Variants in MTUS2 observed in about 807,000 individuals in gnomAD.
MTUS2 encodes the protein microtubule associated scaffold protein 2.
In MTUS2, 40 loss-of-function variants were observed where a neutral mutation model predicts 114.1. The ratio of observed to expected loss-of-function variants is 0.35; its 90% CI spans 0.27 to 0.46. The LOEUF is 0.46. MTUS2 is among the 20% of genes least tolerant of loss of function. The pLI is 1.00. For synonymous variants in MTUS2, 688 were observed against 672.0 expected, an observed-to-expected ratio of 1.02 and a Z score of -0.37; for missense variants, 1,679 against 1,705.4, an observed-to-expected ratio of 0.98 and a Z score of 0.27.
At chr13:29,156,121 C>T (rs569688856) in intron 5 of MTUS2, among the ~76,000 whole-genome samples, 43 of 152,196 alleles carry the variant, frequency 2.8e-4, no homozygotes, top group African/African-American at 1.0e-3. Flanking sequence ...TCTTGCCCTA[C>T]TGTTAATTAT....
In MTUS2 at chr13:29,024,842, T is replaced by C. The variant is rs1360163626; in HGVS notation, c.144T>C (p.His48=). 3.7e-6 allele frequency: 6 copies of C among 1,613,896 alleles called. No homozygotes were observed. The highest frequency in any genetic ancestry group is 3.3e-5 in the Admixed American group (2 of 60,012). ...TCATGTTGGAGGTCAGCTCCTCTCATGACGAGTCCAAGACATGTGACCTGG... is the reference window on the plus strand; with the variant it reads ...TCATGTTGGAGGTCAGCTCCTCTCACGACGAGTCCAAGACATGTGACCTGG... The part of the protein sequence containing the change: ...NQIMLEVSSS[H]DESKTCDLGD... The change falls in exon 3 of 16, where the codon CAT becomes CAC. Residue 48 remains histidine (H), a synonymous_variant. Transcript: ENST00000612955.
chr13:29,206,138 T>C (rs999002302), intron 5 of MTUS2, among the ~76,000 whole-genome samples: 5 of 152,190 alleles, frequency 3.3e-5, no homozygotes, highest in African/African-American at 9.6e-5. Flanking sequence ...TTATGGTTTT[T>C]ATTTGCATCT....
intron 6 of MTUS2, among the ~76,000 whole-genome samples, chr13:29,298,606 G>A (rs1340627396): frequency 6.6e-6 from 1 of 152,144 alleles, no homozygotes; most frequent in Admixed American, 6.5e-5. Context: ...CATCTTTAGT[G>A]AAGAAAATGA....
chr13:28,895,634 T>C (rs998943759), intron 2 of MTUS2, among the ~76,000 whole-genome samples: 1 of 152,182 alleles, frequency 6.6e-6, no homozygotes, highest in African/African-American at 2.4e-5. Context: ...TGTAGGTCCA[T>C]GAAGATGAGT....
intron 1 of MTUS2, among the ~76,000 whole-genome samples, chr13:28,827,315 A>G (rs966151359): frequency 2.0e-5 from 3 of 152,124 alleles, no homozygotes; most frequent in Non-Finnish European, 4.4e-5. Flanking sequence ...TTTTAAATCC[A>G]CATTGTATTA....
In MTUS2 at chr13:28,984,157, T is replaced by C. The variant is rs113469222; in HGVS notation, c.-242-40300T>C. Among the ~76,000 whole-genome samples, 327 of 152,306 alleles carry C rather than the reference T, an allele frequency of 2.1e-3. 2 individuals carry two copies. Among genetic ancestry groups the C allele is most frequent in the African/African-American group, 7.4e-3 (309 of 41,558 alleles). On this transcript the variant is annotated intron_variant, in intron 2 of 15. Transcript: ENST00000612955. ...GTTAAGGACGATAGCTGAGCACTCA[T>C]GTGAACTTTGCTGAATTCTGCATCG...
At chr13:29,081,775 GTTT>G in intron 4 of MTUS2, among the ~76,000 whole-genome samples, 1 of 1,098 alleles carries the variant, frequency 9.1e-4, no homozygotes, top group African/African-American at 3.1e-3. Flanking sequence ...TTTTTGTTTT[GTTT>G]TGTTTTGTTT....
chr13:29,429,640 C>T (rs973194140), intron 8 of MTUS2, among the ~76,000 whole-genome samples: 1 of 152,176 alleles, frequency 6.6e-6, no homozygotes, highest in Non-Finnish European at 1.5e-5. Flanking sequence ...AATTTCATTA[C>T]TAGAAATCTG....
intron 2 of MTUS2, among the ~76,000 whole-genome samples, chr13:28,991,589 C>T (rs578212703): frequency 2.0e-5 from 3 of 152,142 alleles, no homozygotes; most frequent in Admixed American, 6.5e-5. Context: ...AGGATGGTCT[C>T]AGTCTCCTGA....
At chr13:29,075,423 G>A (rs923723938) in intron 4 of MTUS2, among the ~76,000 whole-genome samples, 8 of 152,118 alleles carry the variant, frequency 5.3e-5, no homozygotes, top group Non-Finnish European at 1.0e-4. Context: ...AGTGTTCTTA[G>A]CCTGTTTTCT....
At chr13:28,843,913 G>A (rs1862496215) in intron 2 of MTUS2, among the ~76,000 whole-genome samples, 1 of 152,192 alleles carries the variant, frequency 6.6e-6, no homozygotes, top group Non-Finnish European at 1.5e-5. Context: ...GCGGGGAGCT[G>A]TGTAATATTT....
chr13:29,093,663 C>T (rs555158746), intron 4 of MTUS2, among the ~76,000 whole-genome samples: 1 of 152,054 alleles, frequency 6.6e-6, no homozygotes, highest in South Asian at 2.1e-4. Flanking sequence ...TAGTGGATTT[C>T]TTGGGATTTT....
At chr13:29,088,613 T>A (rs116411417) in intron 4 of MTUS2, among the ~76,000 whole-genome samples, 1,710 of 152,342 alleles carry the variant, frequency 0.011, 31 homozygotes, top group African/African-American at 0.039. Flanking sequence ...AGTTTCTTTA[T>A]AGGTCTTTAA....
intron 5 of MTUS2, among the ~76,000 whole-genome samples, chr13:29,225,545 T>C (rs1335653): frequency 0.85 from 129,873 of 152,226 alleles, 55,541 homozygotes; most frequent in African/African-American, 0.91. Context: ...AAGATTAATT[T>C]AAGAAAGATG....
intron 5 of MTUS2, among the ~76,000 whole-genome samples, chr13:29,171,276 G>GTC (rs1027375602): frequency 1.3e-5 from 2 of 152,088 alleles, no homozygotes; most frequent in African/African-American, 4.8e-5. Flanking sequence ...ATGCTTCATG[G>GTC]TCCTCCATTG....
intron 2 of MTUS2, among the ~76,000 whole-genome samples, chr13:28,869,834 T>A (rs1245105641): frequency 1.3e-5 from 2 of 152,300 alleles, no homozygotes; most frequent in East Asian, 3.9e-4. Flanking sequence ...GACCCCTATA[T>A]TTTATGTGTC....
chr13:29,134,661 G>T (rs993505673), intron 5 of MTUS2, among the ~76,000 whole-genome samples: 1 of 152,046 alleles, frequency 6.6e-6, no homozygotes, highest in Admixed American at 6.5e-5. Context: ...GCAATGGCAC[G>T]GTCTTGGCTC....
At chr13:28,834,838 G>A (rs1224115732) in intron 1 of MTUS2, among the ~76,000 whole-genome samples, 5 of 151,960 alleles carry the variant, frequency 3.3e-5, no homozygotes, top group Non-Finnish European at 7.4e-5. Context: ...ACTTTTTGGG[G>A]GTGATAAAGA....
chr13:29,202,190 G>T (rs1894987772), intron 5 of MTUS2, among the ~76,000 whole-genome samples: 1 of 151,948 alleles, frequency 6.6e-6, no homozygotes, highest in Non-Finnish European at 1.5e-5. Context: ...TTTCTTGGTG[G>T]CTTTGTTCAT....
Sources: allele counts gnomAD v4.1 joint callset (sites outside exome capture counted in the v4.1 genomes callset), GRCh38; gene constraint gnomAD v4.1.1; transcripts MANE v1.5; gene names NCBI Gene and HGNC (gene_info 2026-07-23, HGNC 2026-07-21).